STOX2: variants seen among roughly 807,000 people sequenced by gnomAD.
STOX2 encodes the protein storkhead-box protein 2.
Under a neutral mutation model 60.9 loss-of-function variants are expected in STOX2, and 28 were observed. That is an observed-to-expected ratio of 0.46 (90% CI 0.34 to 0.63). The LOEUF is 0.63. STOX2 is among the 30% of genes least tolerant of loss of function. The pLI, the probability that STOX2 is intolerant of heterozygous loss-of-function variation, is 0.01. For synonymous variants in STOX2, 472 were observed against 463.9 expected (o/e 1.02, Z -0.22); for missense variants, 1,024 against 1,187.7 (o/e 0.86, Z 2.03).
intron 1 of STOX2, among the ~76,000 whole-genome samples, chr4:183,942,835 C>T (rs936958453): frequency 3.9e-5 from 6 of 152,246 alleles, no homozygotes; most frequent in East Asian, 1.9e-4. Context: ...CCAATTCTTA[C>T]GGCTCTGAAA....
intron 1 of STOX2, among the ~76,000 whole-genome samples, chr4:183,812,809 A>C (rs1025491415): frequency 3.9e-5 from 6 of 152,220 alleles, no homozygotes; most frequent in Non-Finnish European, 4.4e-5. Flanking sequence ...CTAATGAATG[A>C]ATGCAGCCCT....
intron 1 of STOX2, among the ~76,000 whole-genome samples, chr4:183,966,676 A>G (rs1391759899): frequency 6.6e-6 from 1 of 152,228 alleles, no homozygotes; most frequent in African/African-American, 2.4e-5. Context: ...TGCAATTTAG[A>G]GTAGTTTTCA....
intron 1 of STOX2, among the ~76,000 whole-genome samples, chr4:183,816,724 A>C (rs1456144171): frequency 1.3e-5 from 2 of 152,238 alleles, no homozygotes; most frequent in Non-Finnish European, 2.9e-5. Context: ...TCTTCCACAC[A>C]TGAGATGGAA....
At chr4:183,940,431 C>T (rs1471520334) in intron 1 of STOX2, among the ~76,000 whole-genome samples, 2 of 152,146 alleles carry the variant, frequency 1.3e-5, no homozygotes, top group African/African-American at 4.8e-5. Context: ...CCGGTTACTC[C>T]GGGGATGTGT....
At chr4:183,861,896 C>T (rs572357192) in intron 1 of STOX2, among the ~76,000 whole-genome samples, 3 of 152,280 alleles carry the variant, frequency 2.0e-5, no homozygotes, top group East Asian at 1.9e-4. Context: ...CAAAGCCCCA[C>T]GTAACCACCA....
chr4:183,808,282 G>T (rs1048396393), intron 1 of STOX2, among the ~76,000 whole-genome samples: 8 of 152,110 alleles, frequency 5.3e-5, no homozygotes, highest in Non-Finnish European at 8.8e-5. Context: ...TCCAATCCTC[G>T]CCTGACTCCC....
chr4:183,847,336 C>T (rs888586253), intron 1 of STOX2, among the ~76,000 whole-genome samples: 4 of 152,116 alleles, frequency 2.6e-5, no homozygotes, highest in Non-Finnish European at 5.9e-5. Context: ...CCTAGCCTTT[C>T]CTTTTAGGTT....
rs1230427541 is a variant in STOX2 at position 184,023,051 on chromosome 4, A to G, written c.*5767A>G. 6.6e-6 allele frequency: 1 copy of G among 152,214 alleles called. No individual in the cohort carries two copies. The highest frequency in any genetic ancestry group is 1.5e-5 in the Non-Finnish European group (1 of 68,034). The allele number at this position is 152,214 out of a possible 1,614,324, so 9.4% of individuals were successfully genotyped here. A position where few individuals can be genotyped will look rare whatever the true frequency, so the allele number is the denominator to read the frequency against. On this transcript the variant is annotated 3_prime_UTR_variant, in exon 4 of 4. Coordinates refer to ENST00000308497, the MANE Select transcript of STOX2 (RefSeq NM_020225.3). ...TTTCTCTGAGTGACTGAATGTGACT[A>G]TTGCATTAGGGTAAATGAATTAAGA...
chr4:183,823,639 C>T lies in STOX2; in HGVS notation c.364+25584C>T, dbSNP rs116087725. On this transcript the variant is annotated intron_variant, in intron 1 of 2. Transcript: ENST00000513034. ...CCAGATGTCTGGCCCACAAGAAGTT[C>T]CAGCAAAGCACGTCCTCATAGCTCT... Among the ~76,000 whole-genome samples the T allele has an allele frequency of 5.3e-3, 808 of 152,328 alleles. 7 individuals carry two copies. The highest frequency in any genetic ancestry group is 0.019 in the African/African-American group (769 of 41,564).
chr4:183,946,769 G>T (rs1424812793), intron 1 of STOX2, among the ~76,000 whole-genome samples: 1 of 151,958 alleles, frequency 6.6e-6, no homozygotes. Context: ...GGGATTACAG[G>T]TGCGTGCCAC....
chr4:183,851,797 G>C (rs866818741), intron 1 of STOX2, among the ~76,000 whole-genome samples: 2 of 98,636 alleles, frequency 2.0e-5, no homozygotes, highest in African/African-American at 9.8e-5. Context: ...ATGAGAGAAA[G>C]GATGAGAGAA....
intron 1 of STOX2, among the ~76,000 whole-genome samples, chr4:183,940,640 A>T (rs1009986513): frequency 3.3e-5 from 5 of 152,204 alleles, no homozygotes; most frequent in African/African-American, 1.2e-4. Flanking sequence ...AGCCAAGTTG[A>T]TTGATCACTT....
At chr4:183,896,170 C>A in intron 1 of STOX2, among the ~76,000 whole-genome samples, 1 of 152,150 alleles carries the variant, frequency 6.6e-6, no homozygotes, top group East Asian at 1.9e-4. Flanking sequence ...AATGCGAGAA[C>A]TTGGGTATTT....
chr4:183,898,848 G>A (rs1741399582), intron 1 of STOX2, among the ~76,000 whole-genome samples: 1 of 152,190 alleles, frequency 6.6e-6, no homozygotes, highest in African/African-American at 2.4e-5. Context: ...ACATTAGCAA[G>A]AAGAAAAATG....
At chr4:183,989,030 C>T (rs991636912) in intron 1 of STOX2, among the ~76,000 whole-genome samples, 1 of 152,170 alleles carries the variant, frequency 6.6e-6, no homozygotes, top group African/African-American at 2.4e-5. Context: ...GAGCTGCTCA[C>T]GGGGACCGAG....
chr4:183,951,230 A>G (rs1393222487), intron 1 of STOX2, among the ~76,000 whole-genome samples: 2 of 151,044 alleles, frequency 1.3e-5, no homozygotes, highest in East Asian at 2.0e-4. Flanking sequence ...AAAAGAAAAA[A>G]AAAAAAAAGA....
intron 1 of STOX2, among the ~76,000 whole-genome samples, chr4:183,936,417 CT>C (rs11340665): frequency 0.13 from 18,347 of 144,752 alleles, 1,845 homozygotes; most frequent in East Asian, 0.45. Context: ...TATTTTCTCT[CT>C]TTTTTTTTTT....
In STOX2 at chr4:183,905,617, T is replaced by G. The variant is rs1318778122; in HGVS notation, c.-1174T>G. On this transcript the variant is annotated 5_prime_UTR_variant, in exon 1 of 4. Transcript: ENST00000308497. ...GTCTCTCTCCGAGCGGGAGGGACCATCCTAAAAATATGTAAATATCCAAGC... is the reference window on the plus strand; with the variant it reads ...GTCTCTCTCCGAGCGGGAGGGACCAGCCTAAAAATATGTAAATATCCAAGC... 6.6e-6 allele frequency: 1 copy of G among 152,084 alleles called. No individual in the cohort carries two copies. Among genetic ancestry groups the G allele is most frequent in the Non-Finnish European group, 1.5e-5 (1 of 68,050 alleles). 9.4% of individuals were successfully genotyped at this position (152,084 alleles called of 1,614,324 possible).
chr4:183,955,567 G>A (rs1743221986), intron 1 of STOX2, among the ~76,000 whole-genome samples: 2 of 152,158 alleles, frequency 1.3e-5, no homozygotes, highest in African/African-American at 4.8e-5. Context: ...CTGGCTAACA[G>A]CTGATATCTG....
Sources: allele counts gnomAD v4.1 joint callset (sites outside exome capture counted in the v4.1 genomes callset), GRCh38; gene constraint gnomAD v4.1.1; transcripts MANE v1.5; gene names NCBI Gene and HGNC (gene_info 2026-07-23, HGNC 2026-07-21).